Variants in ZNF800 observed in about 807,000 individuals in gnomAD.
The protein encoded by ZNF800 is zinc finger protein 800.
Under a neutral mutation model 59.5 loss-of-function variants are expected in ZNF800, and 13 were observed. The observed-to-expected ratio is 0.22, with a 90% CI of 0.14 to 0.35. The LOEUF (loss-of-function observed/expected upper bound fraction) is 0.35. Among genes scored for constraint, ZNF800 ranks in the 10% least tolerant of loss-of-function variants. The probability of loss-of-function intolerance (pLI) is 1.00; values close to 1 mark genes in which losing one functional copy is unlikely to be tolerated. For synonymous variants in ZNF800, 266 were observed against 265.7 expected (o/e 1.00, Z -0.01); for missense variants, 621 against 783.7 (o/e 0.79, Z 2.48).
chr7:127,379,844 ACCCCCCCACCC>A lies in ZNF800; in HGVS notation c.158-2526_158-2516del, dbSNP rs1800909413. Among the ~76,000 whole-genome samples, 5 of 13,948 alleles carry A rather than the reference ACCCCCCCACCC, an allele frequency of 3.6e-4. 2 individuals are homozygous for A. Among genetic ancestry groups the A allele is most frequent in the Admixed American group, 1.6e-3 (2 of 1,242 alleles). The allele number at this position is 13,948 out of a possible 152,430, so 9.2% of individuals were successfully genotyped here. On this transcript the variant is annotated intron_variant, in intron 3 of 5. Transcript: ENST00000265827. ...TTCCCCTTACCCTTGCCACCCCCCCACCCCCCCACCCCCCCCACACACACACAGAGAGAGAG... is the reference window on the plus strand; with the variant it reads ...TTCCCCTTACCCTTGCCACCCCCCCACCCCCACACACACACAGAGAGAGAG...
At chr7:127,376,035 A>T (rs1442154365) in intron 4 of ZNF800, among the ~76,000 whole-genome samples, 1 of 152,006 alleles carries the variant, frequency 6.6e-6, no homozygotes, top group Non-Finnish European at 1.5e-5. Flanking sequence ...ATAAATAACT[A>T]CCAAAAGACA....
At chr7:127,358,840 A>G (rs947375936) in intron 1 of ZNF800, among the ~76,000 whole-genome samples, 2 of 152,108 alleles carry the variant, frequency 1.3e-5, no homozygotes, top group Non-Finnish European at 2.9e-5. Flanking sequence ...TTACTTGTTT[A>G]CTGACTGAAT....
intron 2 of ZNF800, among the ~76,000 whole-genome samples, chr7:127,390,716 A>G (rs1375782200): frequency 6.6e-6 from 1 of 152,226 alleles, no homozygotes; most frequent in African/African-American, 2.4e-5. Context: ...TAGTGATGGT[A>G]TGCATTCAAT....
intron 2 of ZNF800, among the ~76,000 whole-genome samples, chr7:127,389,510 T>C (rs1474362669): frequency 6.6e-6 from 1 of 152,176 alleles, no homozygotes; most frequent in African/African-American, 2.4e-5. Flanking sequence ...CTTCCCTCCA[T>C]CTGTGGACAT....
intron 1 of ZNF800, among the ~76,000 whole-genome samples, chr7:127,357,750 T>C (rs1800301968): frequency 6.6e-6 from 1 of 152,086 alleles, no homozygotes; most frequent in Admixed American, 6.6e-5. Context: ...AATTAATTCA[T>C]ATTGCCTAAT....
intron 1 of ZNF800, chr7:127,361,514 G>C (rs537062447): frequency 1.3e-5 from 2 of 152,024 alleles, no homozygotes; most frequent in African/African-American, 4.8e-5. Flanking sequence ...CCAGGAGTTC[G>C]AGGCTGCAGT....
Position 127,392,440 on chromosome 7 carries a change from C to T in ZNF800, c.-439G>A, listed in dbSNP as rs1000750943. 2.9e-5 allele frequency: 11 copies of T among 373,168 alleles called. No homozygotes were observed. The highest frequency in any genetic ancestry group is 2.1e-4 in the African/African-American group (10 of 47,718). The allele number at this position is 373,168 out of a possible 1,614,324, so 23.1% of individuals were successfully genotyped here. On this transcript the variant is annotated 5_prime_UTR_variant, in exon 1 of 6. Coordinates refer to ENST00000265827, the MANE Select transcript of ZNF800 (RefSeq NM_176814.5). ...GGGCAGGACCTGAGGCTTCCCTCGC[C>T]GGGGCAACGGCTGCCGCCGCAACCC... is the stretch of plus-strand genomic sequence containing the variant.
chr7:127,386,005 GGTA>G, intron 3 of ZNF800, 52 bp downstream of exon 3: 1 of 1,139,256 alleles, frequency 8.8e-7, no homozygotes, highest in Non-Finnish European at 1.3e-6. Context: ...AGGACTTCTA[GGTA>G]GTTTTTAACT....
chr7:127,390,978 T>G (rs535484371), intron 2 of ZNF800, among the ~76,000 whole-genome samples: 55 of 152,266 alleles, frequency 3.6e-4, no homozygotes, highest in Admixed American at 2.6e-4. Flanking sequence ...TAATATGTTC[T>G]GCCCAAGATA....
chr7:127,347,911 G>T (rs1039938887), exon 2 of ZNF800: 1 of 149,442 alleles, frequency 6.7e-6, no homozygotes, highest in Non-Finnish European at 1.5e-5. Context: ...GCTCTCGGGC[G>T]GCGCCGCCGC....
chr7:127,380,347 T>A (rs550179548), intron 3 of ZNF800, among the ~76,000 whole-genome samples: 1 of 152,172 alleles, frequency 6.6e-6, no homozygotes, highest in African/African-American at 2.4e-5. Context: ...CTCTATGTAT[T>A]AAAAAAACCT....
intron 3 of ZNF800, among the ~76,000 whole-genome samples, chr7:127,381,483 T>C (rs1372954713): frequency 2.6e-5 from 4 of 152,056 alleles, no homozygotes; most frequent in Non-Finnish European, 5.9e-5. Flanking sequence ...CATACCACAA[T>C]AAACTTAAGT....
intron 2 of ZNF800, among the ~76,000 whole-genome samples, chr7:127,390,740 G>A (rs1035180549): frequency 5.9e-5 from 9 of 152,140 alleles, no homozygotes; most frequent in Non-Finnish European, 1.3e-4. Flanking sequence ...TCCCTTTTAA[G>A]TTATACCTTT....
intron 1 of ZNF800, among the ~76,000 whole-genome samples, chr7:127,358,080 G>C (rs1387516518): frequency 6.6e-6 from 1 of 151,768 alleles, no homozygotes; most frequent in African/African-American, 2.4e-5. Flanking sequence ...TTTCTCTCCT[G>C]ACCTCTAACC....
At chr7:127,363,216 T>C (rs149633324) in intron 1 of ZNF800, 1 of 152,018 alleles carries the variant, frequency 6.6e-6, no homozygotes, top group Non-Finnish European at 1.5e-5. Flanking sequence ...ATGTCTGACA[T>C]TCAACTTTGA....
intron 1 of ZNF800, chr7:127,350,377 T>C (rs1282081129): frequency 6.6e-6 from 1 of 152,234 alleles, no homozygotes; most frequent in Non-Finnish European, 1.5e-5. Context: ...GACTGTTCAG[T>C]AGTACATCTC....
At chr7:127,357,766 T>G (rs1457605375) in intron 1 of ZNF800, among the ~76,000 whole-genome samples, 1 of 152,070 alleles carries the variant, frequency 6.6e-6, no homozygotes, top group Non-Finnish European at 1.5e-5. Flanking sequence ...CTAATACTAT[T>G]ACAATTTAAT....
At chr7:127,350,675 G>A (rs1320489491) in intron 1 of ZNF800, among the ~76,000 whole-genome samples, 1 of 152,206 alleles carries the variant, frequency 6.6e-6, no homozygotes, top group South Asian at 2.1e-4. Flanking sequence ...CTTCTGGAAA[G>A]TCAGCAGATT....
At chr7:127,354,953 A>T (rs1315947347) in intron 1 of ZNF800, among the ~76,000 whole-genome samples, 1 of 152,130 alleles carries the variant, frequency 6.6e-6, no homozygotes, top group Non-Finnish European at 1.5e-5. Flanking sequence ...TTTATTCTGT[A>T]TTGAAAGTAA....
Sources: allele counts gnomAD v4.1 joint callset (sites outside exome capture counted in the v4.1 genomes callset), GRCh38; gene constraint gnomAD v4.1.1; transcripts MANE v1.5; gene names NCBI Gene and HGNC (gene_info 2026-07-23, HGNC 2026-07-21).